Variants in TMEM272 observed in about 807,000 individuals in gnomAD.
TMEM272 encodes transmembrane protein 272.
In TMEM272, 8 loss-of-function variants were observed where a neutral mutation model predicts 3.7. That is an observed-to-expected ratio of 2.17 (90% CI 1.27 to 3.91). The LOEUF (loss-of-function observed/expected upper bound fraction) is 3.91. TMEM272 is among the 30% of genes most tolerant of loss of function. The pLI, the probability that TMEM272 is intolerant of heterozygous loss-of-function variation, is 0.00. For synonymous variants in TMEM272, 63 were observed against 39.8 expected, an observed-to-expected ratio of 1.58 and a Z score of -2.20; for missense variants, 166 against 91.5, an observed-to-expected ratio of 1.81 and a Z score of -3.32.
chr13:51,840,676 A>T (rs1185334281), intron 1 of TMEM272, among the ~76,000 whole-genome samples: 2 of 152,104 alleles, frequency 1.3e-5, no homozygotes, highest in Non-Finnish European at 2.9e-5. Context: ...ATTGTGGGGG[A>T]TGCGCATGAG....
At chr13:51,911,596 A>T in the TMEM272 span, among the ~76,000 whole-genome samples, 1 of 152,086 alleles carries the variant, frequency 6.6e-6, no homozygotes, top group Non-Finnish European at 1.5e-5. Flanking sequence ...ACCTAGCAAA[A>T]TGTCCTTCAC....
chr13:51,855,988 T>C, the TMEM272 span, among the ~76,000 whole-genome samples: 15 of 152,096 alleles, frequency 9.9e-5, no homozygotes, highest in Non-Finnish European at 1.6e-4. Flanking sequence ...TTGCAGTAAA[T>C]AGTTTAATTG....
Position 51,816,968 on chromosome 13 carries a change from A to T in TMEM272, c.347T>A (p.Phe116Tyr), listed in dbSNP as rs1418815560. Residue 116 changes from phenylalanine (F) to tyrosine (Y), a missense_variant, in exon 5 of 5, where the codon TTC (phenylalanine) becomes TAC (tyrosine). By Grantham distance (22) the Phe-to-Tyr change is conservative (BLOSUM62 3). Transcript: ENST00000629372. ...YIHLLLSLFL[F>Y]LWFILGNYWV... ...GTAGTTTCCCAGGATGAACCAGAGG[A>T]AGAGGAAGAGGCTCAGCAGGAGGTG... 2 of 702,932 alleles carry T rather than the reference A, an allele frequency of 2.8e-6. No individual in the cohort carries two copies. The highest frequency in any genetic ancestry group is 5.2e-6 in the Non-Finnish European group (2 of 385,016). The allele number at this position is 702,932 out of a possible 1,614,324, so 43.5% of individuals were successfully genotyped here.
At chr13:51,907,010 A>G in the TMEM272 span, among the ~76,000 whole-genome samples, 1 of 152,244 alleles carries the variant, frequency 6.6e-6, no homozygotes, top group African/African-American at 2.4e-5. Flanking sequence ...TTGCAAAAAC[A>G]ACTGCAATGA....
chr13:51,930,069 C>T, the TMEM272 span, among the ~76,000 whole-genome samples: 1 of 152,186 alleles, frequency 6.6e-6, no homozygotes, highest in African/African-American at 2.4e-5. Context: ...AAGGACATCC[C>T]TCCATGAAGT....
chr13:51,835,295 G>A (rs1226117426), intron 2 of TMEM272, among the ~76,000 whole-genome samples: 11 of 151,314 alleles, frequency 7.3e-5, no homozygotes, highest in Non-Finnish European at 1.5e-5. Context: ...TGCAATCTCG[G>A]CTCACTGCAA....
rs1956017553 is a variant in TMEM272, at chr13:51,815,847, T to A, written c.*904A>T. ...TTACAAAAGGCTTCCAAAGCCTAAC[T>A]GGTCATTAGGTTGAGGAGCTATTAT... On this transcript the variant is annotated 3_prime_UTR_variant, in exon 5 of 5. Coordinates refer to ENST00000629372, the MANE Select transcript of TMEM272 (RefSeq NM_001351003.2). 6.6e-6 allele frequency: 1 copy of A among 152,260 alleles called. No homozygotes were observed. The highest frequency in any genetic ancestry group is 6.5e-5 in the Admixed American group (1 of 15,288). The allele number at this position is 152,260 out of a possible 1,614,324, so 9.4% of individuals were successfully genotyped here.
chr13:51,903,428 C>A, the TMEM272 span, among the ~76,000 whole-genome samples: 4 of 152,254 alleles, frequency 2.6e-5, no homozygotes, highest in South Asian at 8.3e-4. Context: ...AGAGGTGGCA[C>A]ACCAACGAGG....
chr13:51,865,390 G>A, the TMEM272 span: 41 of 1,594,506 alleles, frequency 2.6e-5, no homozygotes, highest in Admixed American at 1.4e-4. Context: ...TGGCCACCCC[G>A]CCATTCCGGC....
the TMEM272 span, among the ~76,000 whole-genome samples, chr13:51,911,607 G>A: frequency 5.9e-5 from 9 of 152,272 alleles, no homozygotes; most frequent in Non-Finnish European, 1.3e-4. Context: ...TGTCCTTCAC[G>A]TACTAGATGT....
intron 2 of TMEM272, among the ~76,000 whole-genome samples, chr13:51,833,883 A>G (rs780757175): frequency 6.6e-6 from 1 of 152,178 alleles, no homozygotes; most frequent in Non-Finnish European, 1.5e-5. Context: ...GAGCAATTCT[A>G]TGGGATTGTC....
chr13:51,908,388 A>G, the TMEM272 span: 22 of 1,494,674 alleles, frequency 1.5e-5, no homozygotes, highest in Non-Finnish European at 2.0e-5. Context: ...TCTCATTGCA[A>G]ATGGAGCACG....
chr13:51,926,080 T>A, the TMEM272 span, among the ~76,000 whole-genome samples: 1 of 151,780 alleles, frequency 6.6e-6, no homozygotes, highest in Non-Finnish European at 1.5e-5. Flanking sequence ...TGTGTGTCTA[T>A]GAGTGTGTGG....
the TMEM272 span, chr13:51,910,609 T>C: frequency 3.3e-6 from 2 of 604,460 alleles, no homozygotes; most frequent in Admixed American, 2.2e-5. Flanking sequence ...GGGGTAGCCC[T>C]AGGCTCCTCC....
chr13:51,861,332 G>A, the TMEM272 span, among the ~76,000 whole-genome samples: 1 of 152,242 alleles, frequency 6.6e-6, no homozygotes, highest in African/African-American at 2.4e-5. Context: ...TTTTTGCTAA[G>A]AGAGTAGATT....
At chr13:51,863,006 G>A in the TMEM272 span, among the ~76,000 whole-genome samples, 3 of 152,230 alleles carry the variant, frequency 2.0e-5, no homozygotes, top group Non-Finnish European at 2.9e-5. Flanking sequence ...CAGACAGACA[G>A]TATCGCAGAG....
chr13:51,908,357 A>C, the TMEM272 span: 3 of 1,489,892 alleles, frequency 2.0e-6, no homozygotes, highest in Non-Finnish European at 2.8e-6. Context: ...AAGGAGGAAA[A>C]CCCCTCGGTG....
the TMEM272 span, chr13:51,910,278 G>A: frequency 1.0e-4 from 148 of 1,426,100 alleles, no homozygotes; most frequent in Middle Eastern, 1.8e-4. Flanking sequence ...CTCAAAGCTG[G>A]CATCCTCTAA....
intron 2 of TMEM272, among the ~76,000 whole-genome samples, chr13:51,832,384 T>C (rs1956180765): frequency 6.6e-6 from 1 of 152,182 alleles, no homozygotes; most frequent in Non-Finnish European, 1.5e-5. Flanking sequence ...ATAGCAAGTA[T>C]TAATATATCC....
Sources: gnomAD v4.1 joint callset for allele counts (sites outside exome capture counted in the v4.1 genomes callset) on GRCh38, gnomAD v4.1.1 for gene constraint, MANE v1.5 for transcripts, NCBI Gene and HGNC (gene_info 2026-07-23, HGNC 2026-07-21) for gene names.